Variants in LCP2 observed in about 807,000 individuals in gnomAD.
The protein encoded by LCP2 is 76 kDa tyrosine phosphoprotein.
In LCP2, 29 loss-of-function variants were observed where a neutral mutation model predicts 74.5. The observed-to-expected ratio is 0.39, with a 90% CI of 0.29 to 0.53. The LOEUF is 0.53. Ranked by LOEUF, LCP2 falls within the 20% of genes least tolerant of loss-of-function variation. The probability of loss-of-function intolerance (pLI) is 0.72; values close to 1 mark genes in which losing one functional copy is unlikely to be tolerated. For synonymous variants in LCP2, 228 were observed against 229.5 expected (o/e 0.99, Z 0.06); for missense variants, 604 against 634.6 (o/e 0.95, Z 0.52).
chr5:170,254,539 T>A (rs536514059), intron 17 of LCP2, among the ~76,000 whole-genome samples: 13 of 152,348 alleles, frequency 8.5e-5, no homozygotes, highest in African/African-American at 2.6e-4. Context: ...GGCCCTGAGC[T>A]GCCAGTGCCT....
chr5:170,261,389 A>ATGTGTG (rs1554139945), intron 13 of LCP2, among the ~76,000 whole-genome samples: 18 of 146,362 alleles, frequency 1.2e-4, no homozygotes, highest in African/African-American at 2.6e-4. Flanking sequence ...GCAAATAATT[A>ATGTGTG]TGTGTGTGTG....
At chr5:170,274,933 T>C (rs537630522) in intron 5 of LCP2, among the ~76,000 whole-genome samples, 172 of 146,652 alleles carry the variant, frequency 1.2e-3, no homozygotes, top group African/African-American at 3.7e-3. Flanking sequence ...GCCGAGATCG[T>C]GCCACTGCAC....
intron 2 of LCP2, among the ~76,000 whole-genome samples, chr5:170,289,712 TCTTTC>T (rs146341286): frequency 0.068 from 9,722 of 142,456 alleles, 566 homozygotes; most frequent in East Asian, 0.22. Context: ...CTTCTTTCTT[TCTTTC>T]CTTTCCTTTC....
At chr5:170,281,473 C>T (rs372028877) in intron 3 of LCP2, among the ~76,000 whole-genome samples, 16 of 152,208 alleles carry the variant, frequency 1.1e-4, no homozygotes, top group Non-Finnish European at 2.1e-4. Context: ...GTAGAAACAG[C>T]GTTTCACTGT....
intron 3 of LCP2, among the ~76,000 whole-genome samples, chr5:170,280,902 G>T (rs1314865342): frequency 1.3e-5 from 2 of 152,154 alleles, no homozygotes; most frequent in African/African-American, 4.8e-5. Flanking sequence ...TACTCGGGAG[G>T]CCGAGGCAGG....
At chr5:170,294,417 T>A (rs539375612) in intron 1 of LCP2, among the ~76,000 whole-genome samples, 55 of 152,322 alleles carry the variant, frequency 3.6e-4, no homozygotes, top group African/African-American at 1.3e-3. Context: ...TATGAGGTGC[T>A]AGTTTCAACT....
In LCP2 at chr5:170,262,950, A is replaced by G; in HGVS notation, c.798+17T>C. The G allele has an allele frequency of 6.2e-7, 1 of 1,614,044 alleles. No homozygotes were observed. Among genetic ancestry groups the G allele is most frequent in the East Asian group, 2.2e-5 (1 of 44,892 alleles). On this transcript the variant is annotated intron_variant, in intron 11 of 20. Transcript: ENST00000046794. ...TGAAACAAACAAACACAACCAAAAA[A>G]CAAGTTCACAGCTTACCTTGTCAGA...
rs1426347635 is a variant in LCP2 at position 170,261,166 on chromosome 5, A to T, written c.927-29T>A. On this transcript the variant is annotated intron_variant, in intron 13 of 20. Transcript: ENST00000046794. ...AAATGAATTAGGGCAAATAAAAAGAACTGAGCATGAAGAGTTTCAAAGAGC... is the reference window on the plus strand; with the variant it reads ...AAATGAATTAGGGCAAATAAAAAGATCTGAGCATGAAGAGTTTCAAAGAGC... The T allele has an allele frequency of 1.9e-6, 3 of 1,566,574 alleles. No individual in the cohort carries two copies. The East Asian group carries it at 6.7e-5, about 35-fold the overall frequency.
At chr5:170,293,428 C>T (rs1043838355) in intron 1 of LCP2, 56 bp from the exon 2 acceptor site, 20 of 1,511,420 alleles carry the variant, frequency 1.3e-5, no homozygotes, top group East Asian at 2.4e-5. Flanking sequence ...ACCATTGGTT[C>T]CTCTCCCTTG....
At chr5:170,257,496 G>T (rs1761575221) in intron 16 of LCP2, among the ~76,000 whole-genome samples, 1 of 152,138 alleles carries the variant, frequency 6.6e-6, no homozygotes, top group Non-Finnish European at 1.5e-5. Flanking sequence ...GACACCACAG[G>T]CTGCCCGTGG....
intron 3 of LCP2, among the ~76,000 whole-genome samples, chr5:170,276,534 A>C (rs12187894): frequency 1.3e-5 from 2 of 151,970 alleles, no homozygotes; most frequent in Non-Finnish European, 2.9e-5. Flanking sequence ...TGACCAAGAC[A>C]CTTGAAGATA....
At chr5:170,296,304 C>CA (rs1460147421) in intron 1 of LCP2, among the ~76,000 whole-genome samples, 6 of 152,150 alleles carry the variant, frequency 3.9e-5, no homozygotes, top group African/African-American at 1.2e-4. Context: ...CAAAATATGG[C>CA]AAAAAACAGG....
intron 20 of LCP2, among the ~76,000 whole-genome samples, chr5:170,249,198 G>A (rs4867951): frequency 0.12 from 18,414 of 151,788 alleles, 1,229 homozygotes; most frequent in African/African-American, 0.15. Context: ...GCTGGTGTGC[G>A]CCTGTAATCC....
intron 20 of LCP2, 139 bp from the exon 21 acceptor site, chr5:170,248,958 A>G: frequency 1.3e-6 from 1 of 790,156 alleles, no homozygotes. Context: ...AAATGTGGCA[A>G]TTAGTTTAAT....
At chr5:170,263,155 A>G (rs1278184899) in intron 10 of LCP2, among the ~76,000 whole-genome samples, 163 bp from the exon 11 acceptor site, 10 of 152,306 alleles carry the variant, frequency 6.6e-5, no homozygotes, top group Non-Finnish European at 8.8e-5. Flanking sequence ...TCCGTTAGAG[A>G]CCACCAAATT....
chr5:170,280,418 C>G (rs1021997552), intron 3 of LCP2, among the ~76,000 whole-genome samples: 1 of 152,176 alleles, frequency 6.6e-6, no homozygotes, highest in Non-Finnish European at 1.5e-5. Flanking sequence ...AGTGTTCTTT[C>G]CGTCTTTAAA....
intron 2 of LCP2, among the ~76,000 whole-genome samples, chr5:170,289,695 T>TCTCTC (rs1762253709): frequency 7.0e-6 from 1 of 142,730 alleles, no homozygotes; most frequent in Non-Finnish European, 1.6e-5. Context: ...CTTTCTTTCT[T>TCTCTC]TCTTTCCTTC....
Position 170,262,663 on chromosome 5 carries a change from G to T in LCP2, c.898C>A (p.Leu300Met). The T allele has an allele frequency of 1.2e-6, 2 of 1,613,800 alleles. No homozygotes were observed. Among genetic ancestry groups the T allele is most frequent in the Non-Finnish European group, 1.7e-6 (2 of 1,179,732 alleles). Residue 300 changes from leucine (L) to methionine (M), a missense_variant, in exon 13 of 21, where the codon CTG becomes ATG. Coordinates refer to ENST00000046794, the MANE Select transcript of LCP2 (RefSeq NM_005565.5). ...GGCACAGGTGGCTTCTTCCCTGGCAGGGGGCTGCTCCTTTCATGTCTTTCC... is the reference window on the plus strand; with the variant it reads ...GGCACAGGTGGCTTCTTCCCTGGCATGGGGCTGCTCCTTTCATGTCTTTCC... ...TTERHERSSP[L>M]PGKKPPVPKH... is the part of the protein sequence containing the mutation.
At chr5:170,251,160 A>G (rs901252008) in intron 19 of LCP2, 1 of 336,642 alleles carries the variant, frequency 3.0e-6, no homozygotes, top group African/African-American at 2.1e-5. Flanking sequence ...ATAAAAACGG[A>G]ATCTTTTGTT....
Sources: allele counts gnomAD v4.1 joint callset (sites outside exome capture counted in the v4.1 genomes callset), GRCh38; gene constraint gnomAD v4.1.1; transcripts MANE v1.5; gene names NCBI Gene and HGNC (gene_info 2026-07-23, HGNC 2026-07-21).